RNF144A: variants seen among roughly 807,000 people sequenced by gnomAD.
The protein encoded by RNF144A is E3 ubiquitin-protein ligase RNF144A.
Under a neutral mutation model 38.7 loss-of-function variants are expected in RNF144A, and 11 were observed. The ratio of observed to expected loss-of-function variants is 0.28; its 90% CI spans 0.18 to 0.47. RNF144A has a LOEUF of 0.47. Ranked by LOEUF, RNF144A falls within the 20% of genes least tolerant of loss-of-function variation. The probability of loss-of-function intolerance (pLI) is 0.99; values close to 1 mark genes in which losing one functional copy is unlikely to be tolerated. For missense variants in RNF144A, 316 were observed against 377.2 expected (o/e 0.84, Z 1.34); for synonymous variants, 149 against 143.9 (o/e 1.04, Z -0.25).
the RNF144A span, among the ~76,000 whole-genome samples, chr2:7,073,415 A>ACTG: frequency 0.24 from 36,371 of 152,028 alleles, 5,185 homozygotes; most frequent in East Asian, 0.48. Flanking sequence ...AGGTCAGAAC[A>ACTG]TGTGATTCAT....
At chr2:7,050,612 G>A (rs965961197) in intron 6 of RNF144A, among the ~76,000 whole-genome samples, 2 of 152,244 alleles carry the variant, frequency 1.3e-5, no homozygotes, top group East Asian at 1.9e-4. Context: ...TGATGCTTCT[G>A]TTGAAAACCA....
At chr2:7,034,571 T>C (rs1672539710) in intron 8 of RNF144A, among the ~76,000 whole-genome samples, 1 of 152,204 alleles carries the variant, frequency 6.6e-6, no homozygotes, top group South Asian at 2.1e-4. Context: ...CCAAGTGCAG[T>C]GCTGTGAAGG....
chr2:7,000,564 T>C (rs893526437), intron 3 of RNF144A, among the ~76,000 whole-genome samples: 1 of 152,194 alleles, frequency 6.6e-6, no homozygotes, highest in African/African-American at 2.4e-5. Context: ...ATTTGACAGT[T>C]ACACTGAGAA....
downstream of RNF144A, among the ~76,000 whole-genome samples, chr2:7,070,137 T>C (rs1674406498): frequency 6.7e-6 from 1 of 148,478 alleles, no homozygotes; most frequent in African/African-American, 2.5e-5. Flanking sequence ...TCAGCAGAAT[T>C]AGTAAAATGG....
At chr2:6,974,845 T>G (rs906601893) in intron 2 of RNF144A, among the ~76,000 whole-genome samples, 3 of 152,196 alleles carry the variant, frequency 2.0e-5, no homozygotes, top group Non-Finnish European at 4.4e-5. Flanking sequence ...AAAAATTAAT[T>G]AAAATATTAT....
At chr2:7,048,807 C>G (rs1673407068), downstream of RNF144A, among the ~76,000 whole-genome samples, 1 of 152,230 alleles carries the variant, frequency 6.6e-6, no homozygotes, top group African/African-American at 2.4e-5. Flanking sequence ...CTGGTGAAGT[C>G]TACTCAACCT....
intron 8 of RNF144A, among the ~76,000 whole-genome samples, chr2:7,038,987 T>A (rs550364027): frequency 2.7e-5 from 4 of 150,220 alleles, no homozygotes; most frequent in Non-Finnish European, 5.9e-5. Flanking sequence ...GGGTGGATGG[T>A]TGGATGGATG....
chr2:6,964,516 C>G (rs1051518176), intron 2 of RNF144A, among the ~76,000 whole-genome samples: 13 of 152,182 alleles, frequency 8.5e-5, no homozygotes, highest in South Asian at 6.2e-4. Context: ...AAGACACATG[C>G]ACACGTATGT....
chr2:6,947,001 C>CAT (rs1241846161), intron 2 of RNF144A, among the ~76,000 whole-genome samples: 3 of 151,964 alleles, frequency 2.0e-5, no homozygotes, highest in African/African-American at 4.8e-5. Flanking sequence ...TGATTTTTGG[C>CAT]ATATATATAG....
chr2:6,935,236 G>A (rs1030833882), intron 1 of RNF144A, among the ~76,000 whole-genome samples: 4 of 152,050 alleles, frequency 2.6e-5, no homozygotes, highest in African/African-American at 4.8e-5. Context: ...TCTGCATAGC[G>A]GGCCATTTCA....
intron 1 of RNF144A, among the ~76,000 whole-genome samples, chr2:6,938,170 T>A (rs1000634820): frequency 5.8e-4 from 88 of 151,578 alleles, no homozygotes; most frequent in African/African-American, 1.8e-3. Context: ...AAACCTGGAG[T>A]AATCCAGACT....
At chr2:6,923,522 C>T (rs1282917679) in intron 1 of RNF144A, among the ~76,000 whole-genome samples, 2 of 152,258 alleles carry the variant, frequency 1.3e-5, no homozygotes, top group Non-Finnish European at 2.9e-5. Flanking sequence ...GACGCTCTCC[C>T]ACCATCCATG....
intron 2 of RNF144A, among the ~76,000 whole-genome samples, chr2:6,990,562 TACACACACAAACAC>T (rs1400860087): frequency 2.6e-4 from 9 of 34,960 alleles, no homozygotes; most frequent in South Asian, 2.0e-3. Context: ...GAGAGATTGC[TACACACACAAACAC>T]ACACACACAC....
chr2:7,006,917 A>G (rs1402620529), intron 3 of RNF144A, among the ~76,000 whole-genome samples: 1 of 152,204 alleles, frequency 6.6e-6, no homozygotes, highest in Non-Finnish European at 1.5e-5. Flanking sequence ...TTAAGGGTCC[A>G]TGAGAAAATG....
chr2:6,955,366 G>C (rs984097584), intron 2 of RNF144A, among the ~76,000 whole-genome samples: 3 of 152,072 alleles, frequency 2.0e-5, no homozygotes, highest in Non-Finnish European at 4.4e-5. Flanking sequence ...TCCCCTCTGT[G>C]GTTCCCCTCT....
At chr2:7,028,374 G>C (rs1479447806) in intron 7 of RNF144A, among the ~76,000 whole-genome samples, 2 of 152,198 alleles carry the variant, frequency 1.3e-5, no homozygotes, top group Non-Finnish European at 2.9e-5. Context: ...GCTTCCCAAG[G>C]ATAGGATGGA....
rs567737313 is a variant in RNF144A at position 6,939,408 on chromosome 2, C to A, written c.-211-1540C>A. On this transcript the variant is annotated intron_variant, in intron 1 of 8. Coordinates refer to ENST00000320892, the MANE Select transcript of RNF144A (RefSeq NM_014746.6). ...CTTTGGAGAAATGTCTATTTAAATC[C>A]TTTGCCCATATTTACATTTGGGTTG... 3.9e-5 allele frequency among the ~76,000 whole-genome samples: 6 copies of A among 152,258 alleles called. No individual in the cohort carries two copies. The East Asian group carries it at 1.2e-3, about 29-fold the overall frequency.
intron 3 of RNF144A, among the ~76,000 whole-genome samples, chr2:6,998,884 A>C (rs1327677751): frequency 1.4e-5 from 2 of 140,662 alleles, no homozygotes; most frequent in Admixed American, 7.2e-5. Context: ...TCTGCCAAAA[A>C]TGCCTTGTGG....
chr2:6,939,978 TAAG>T (rs1665864252), intron 1 of RNF144A, among the ~76,000 whole-genome samples: 1 of 152,210 alleles, frequency 6.6e-6, no homozygotes, highest in Non-Finnish European at 1.5e-5. Flanking sequence ...GTTTTGACAT[TAAG>T]AAGTGTAACT....
Sources: allele counts gnomAD v4.1 joint callset (sites outside exome capture counted in the v4.1 genomes callset), GRCh38; gene constraint gnomAD v4.1.1; transcripts MANE v1.5; gene names NCBI Gene and HGNC (gene_info 2026-07-23, HGNC 2026-07-21).